The following BLM variants were observed in gnomAD, a reference collection of about 807,000 sequenced individuals.
BLM encodes recQ-like DNA helicase BLM.
In BLM, 95 loss-of-function variants were observed where a neutral mutation model predicts 135.3. The observed-to-expected ratio is 0.70, with a 90% CI of 0.59 to 0.83. BLM has a LOEUF of 0.83. BLM is among the 40% of genes least tolerant of loss of function. The pLI is 0.00. For missense variants in BLM, 1,518 were observed against 1,663.9 expected, an observed-to-expected ratio of 0.91 and a Z score of 1.53; for synonymous variants, 520 against 589.2, an observed-to-expected ratio of 0.88 and a Z score of 1.70.
rs2151157318 is a variant in BLM, at chr15:90,760,198, G to A, written c.1139G>A (p.Cys380Tyr). 1.2e-6 allele frequency: 2 copies of A among 1,613,286 alleles called. No homozygotes were observed. The highest frequency in any genetic ancestry group is 1.7e-6 in the Non-Finnish European group (2 of 1,179,420). The change falls in exon 6 of 22, where the codon TGT (cysteine) becomes TAT (tyrosine). Residue 380 changes from cysteine to tyrosine, a missense_variant. Physicochemically the swap from Cys to Tyr is radical, Grantham distance 194 (BLOSUM62 -2). This residue lies in a region of BLM where 724 missense variants were observed against 756.9 expected (regional missense o/e 0.96). Transcript: ENST00000355112. ...QQLIHVMEHI[C>Y]KLIDTIPDDK... ...CTTATTCATGTGATGGAGCACATCT[G>A]TAAATTAATTGATACTATTCCTGAT...
At chr15:90,813,473 A>G (rs1897474417) in intron 21 of BLM, among the ~76,000 whole-genome samples, 1 of 152,128 alleles carries the variant, frequency 6.6e-6, no homozygotes, top group Non-Finnish European at 1.5e-5. Context: ...GGCTCACTGC[A>G]GCCTCTGCCT....
chr15:90,759,548 T>A lies in BLM; in HGVS notation c.1088-599T>A, dbSNP rs1188470908. On this transcript the variant is annotated intron_variant, in intron 5 of 21. Transcript: ENST00000355112. ...GTTTGAGGGTTCAGTGAGCAGTGAT[T>A]GCACCACTGCAGTTTAACCTGGGCA... Among the ~76,000 whole-genome samples, 3 of 152,242 alleles carry A rather than the reference T, an allele frequency of 2.0e-5. No individual in the cohort carries two copies. The East Asian group carries it at 5.8e-4, about 29-fold the overall frequency.
chr15:90,799,131 C>CTCCA (rs994744645), intron 17 of BLM, among the ~76,000 whole-genome samples: 86 of 151,750 alleles, frequency 5.7e-4, no homozygotes, highest in African/African-American at 2.1e-3. Context: ...CGCCACTGCA[C>CTCCA]TCCAGCCTGG....
intron 20 of BLM, among the ~76,000 whole-genome samples, chr15:90,810,330 C>T (rs1179632415): frequency 2.0e-5 from 3 of 152,212 alleles, no homozygotes; most frequent in Admixed American, 6.5e-5. Context: ...GCTGGGGTTA[C>T]AGGCATGAGC....
chr15:90,807,036 A>T (rs971510999), intron 19 of BLM, among the ~76,000 whole-genome samples: 6 of 152,250 alleles, frequency 3.9e-5, no homozygotes, highest in Admixed American at 2.6e-4. Flanking sequence ...AAAAGTTCAC[A>T]TTCAAAGCCT....
chr15:90,760,529 T>A, intron 6 of BLM, 65 bp from the exon 7 acceptor site: 5 of 1,478,706 alleles, frequency 3.4e-6, no homozygotes, highest in Non-Finnish European at 4.6e-6. Context: ...ACTACAGATT[T>A]GCTTTTGTGG....
intron 7 of BLM, among the ~76,000 whole-genome samples, chr15:90,761,811 T>A (rs1459424757): frequency 6.6e-6 from 1 of 152,146 alleles, no homozygotes; most frequent in East Asian, 1.9e-4. Context: ...CATTTAAAGA[T>A]GAATAACAAA....
At chr15:90,720,793 C>T (rs1046103335) in intron 1 of BLM, among the ~76,000 whole-genome samples, 4 of 152,052 alleles carry the variant, frequency 2.6e-5, no homozygotes, top group South Asian at 2.1e-4. Context: ...AGGGTCTCGC[C>T]GTGTTGTTCA....
Position 90,804,337 on chromosome 15 carries a change from C to T in BLM, c.3729C>T (p.Thr1243=), listed in dbSNP as rs747293738. 16 of 1,613,916 alleles carry T rather than the reference C, an allele frequency of 9.9e-6. No individual in the cohort carries two copies. The highest frequency in any genetic ancestry group is 4.4e-5 in the South Asian group (4 of 91,068). ...FGVHYFNIFN[T]VTLKKLAESL... is the part of the protein sequence containing the mutation. ...TCCATTACTTCAATATTTTTAATAC[C>T]GTCACTCTCAAGAAGCTTGCAGGTG... is the stretch of plus-strand genomic sequence containing the variant. The change falls in exon 19 of 22, where the codon ACC becomes ACT. Residue 1243 remains threonine, a synonymous_variant. Transcript: ENST00000355112.
chr15:90,764,633 T>C (rs1366576082), intron 8 of BLM, among the ~76,000 whole-genome samples: 2 of 152,130 alleles, frequency 1.3e-5, no homozygotes, highest in Admixed American at 6.6e-5. Context: ...TTATAAATAA[T>C]AAAAGTAAAT....
In BLM at chr15:90,760,150, G is replaced by A. The variant is rs1374291628; in HGVS notation, c.1091G>A (p.Arg364Lys). 1.9e-6 allele frequency: 3 copies of A among 1,609,550 alleles called. No individual in the cohort carries two copies. The highest frequency in any genetic ancestry group is 1.7e-6 in the Non-Finnish European group (2 of 1,176,550). ...NPETSTDCDA[R>K]QISLQQQLIH... ...TAACAACATAATTATTTTATAGCTAGACAGATAAGTTTACAGCAGCAGCTT... is the reference window on the plus strand; with the variant it reads ...TAACAACATAATTATTTTATAGCTAAACAGATAAGTTTACAGCAGCAGCTT... Residue 364 changes from arginine to lysine, a missense_variant, in exon 6 of 22, where the codon AGA (arginine) becomes AAA (lysine). This residue lies in a region of BLM where 724 missense variants were observed against 756.9 expected (regional missense o/e 0.96). Coordinates refer to ENST00000355112, the MANE Select transcript of BLM (RefSeq NM_000057.4).
chr15:90,807,680 A>G (rs1453620833), intron 19 of BLM, among the ~76,000 whole-genome samples: 1 of 152,218 alleles, frequency 6.6e-6, no homozygotes, highest in African/African-American at 2.4e-5. Flanking sequence ...GATTACAGGC[A>G]TGAGCTACCA....
At position 90,811,474 on chromosome 15, in the gene BLM, G is replaced by C. The variant is rs1261040081; in HGVS notation, c.4076+68G>C. 7.3e-6 allele frequency: 11 copies of C among 1,501,136 alleles called. No individual in the cohort carries two copies. The African/African-American group carries it at 1.5e-4, about 21-fold the overall frequency. 93.0% of individuals were successfully genotyped at this position (1,501,136 alleles called of 1,614,324 possible). ...GAAAGGACAAAAGTGCAACAGCTCT[G>C]CCTTGCTTTGAAGGATTTATTAAAA... On this transcript the variant is annotated intron_variant, in intron 21 of 21. Coordinates refer to ENST00000355112, the MANE Select transcript of BLM (RefSeq NM_000057.4).
chr15:90,801,691 A>G (rs987235145), intron 17 of BLM, among the ~76,000 whole-genome samples: 12 of 152,198 alleles, frequency 7.9e-5, no homozygotes, highest in Admixed American at 6.5e-5. Context: ...AAGAGCTGAA[A>G]ACAAAAACTG....
In BLM at chr15:90,793,429, C is replaced by T. The variant is rs28385092; in HGVS notation, c.3020-738C>T. Among the ~76,000 whole-genome samples the T allele has an allele frequency of 7.4e-3, 1,125 of 152,282 alleles. 21 individuals are homozygous for T. Among genetic ancestry groups the T allele is most frequent in the African/African-American group, 0.025 (1,035 of 41,556 alleles). On this transcript the variant is annotated intron_variant, in intron 15 of 21. Transcript: ENST00000355112. Reference sequence around the variant, plus strand: ...GGATTACAGGCGTGAGCCACCGTACCTGGTGTTAAAATTCTTAAGTAACAA... The same window carrying T: ...GGATTACAGGCGTGAGCCACCGTACTTGGTGTTAAAATTCTTAAGTAACAA...
chr15:90,751,849 T>G lies in BLM; in HGVS notation c.862T>G (p.Cys288Gly). Residue 288 changes from cysteine to glycine, a missense_variant, in exon 4 of 22, where the codon TGT becomes GGT. Physicochemically the swap from Cys to Gly is radical, Grantham distance 159 (BLOSUM62 -3). Transcript: ENST00000355112. ...AELHSTEKVP[C>G]IEFDDDDYDT... ...ATTACATTCAACTGAGAAAGTTCCA[T>G]GTATTGAATTTGATGATGATGATTA... The G allele has an allele frequency of 6.2e-7, 1 of 1,612,620 alleles. No individual in the cohort carries two copies. The highest frequency in any genetic ancestry group is 8.5e-7 in the Non-Finnish European group (1 of 1,178,716).
At position 90,798,327 on chromosome 15, in the gene BLM, C is replaced by T. The variant is rs372697241; in HGVS notation, c.3348C>T (p.Asp1116=). ...SGRFTMNMLV[D]IFLGSKSAKI... ...GATTTACTATGAATATGCTGGTCGA[C>T]ATTTTCTTGGGTAAGTCATCTGTTT... Residue 1116 remains aspartate, a synonymous_variant, in exon 17 of 22, where the codon GAC becomes GAT. Coordinates refer to ENST00000355112, the MANE Select transcript of BLM (RefSeq NM_000057.4). 5 of 1,612,752 alleles carry T rather than the reference C, an allele frequency of 3.1e-6. No individual in the cohort carries two copies. Among genetic ancestry groups the T allele is most frequent in the Non-Finnish European group, 4.2e-6 (5 of 1,179,494 alleles).
intron 1 of BLM, among the ~76,000 whole-genome samples, chr15:90,729,906 C>T (rs879765160): frequency 5.3e-5 from 8 of 152,152 alleles, no homozygotes; most frequent in African/African-American, 7.2e-5. Flanking sequence ...AGTGCAGTGG[C>T]GTGATCTCGG....
At chr15:90,728,636 C>A (rs1034968879) in intron 1 of BLM, among the ~76,000 whole-genome samples, 3 of 146,510 alleles carry the variant, frequency 2.0e-5, no homozygotes, top group African/African-American at 5.0e-5. Flanking sequence ...GAACTCCTGA[C>A]CTCAAATGAT....
Sources: allele counts gnomAD v4.1 joint callset (sites outside exome capture counted in the v4.1 genomes callset), GRCh38; gene constraint gnomAD v4.1.1; regional missense constraint gnomAD v4.1.1; transcripts MANE v1.5; gene names NCBI Gene and HGNC (gene_info 2026-07-23, HGNC 2026-07-21).